ATG4A: variants seen among roughly 807,000 people sequenced by gnomAD.
ATG4A encodes the protein cysteine protease ATG4A.
In ATG4A, 22 loss-of-function variants were observed where a neutral mutation model predicts 38.4. The observed-to-expected ratio is 0.57, with a 90% CI of 0.41 to 0.82. ATG4A has a LOEUF of 0.82. ATG4A is among the 40% of genes least tolerant of loss of function. The pLI is 0.00. For missense variants in ATG4A, 220 were observed against 290.0 expected (o/e 0.76, Z 1.75); for synonymous variants, 86 against 100.7 (o/e 0.85, Z 0.88).
intron 2 of ATG4A, 92 bp from the exon 3 acceptor site, chrX:108,128,689 G>C: frequency 1.8e-6 from 1 of 546,154 alleles, no homozygotes; most frequent in Non-Finnish European, 2.8e-6. Flanking sequence ...GAATTGACTG[G>C]TTATTTGAAA....
At chrX:108,112,917 T>C (rs959671455) in intron 1 of ATG4A, among the ~76,000 whole-genome samples, 29 of 110,557 alleles carry the variant, frequency 2.6e-4, no homozygotes, top group Non-Finnish European at 2.1e-4. Flanking sequence ...TTTTTTTATC[T>C]CTTTTCTTGT....
intron 3 of ATG4A, among the ~76,000 whole-genome samples, chrX:108,129,661 C>T (rs1418786228): frequency 1.9e-5 from 2 of 106,973 alleles, no homozygotes; most frequent in Non-Finnish European, 3.9e-5. Flanking sequence ...AGCTCCGCCT[C>T]CTGGGTTCAC....
rs1333332624 is a variant in ATG4A, at chrX:108,137,161, G to A, written c.538G>A (p.Glu180Lys). Residue 180 changes from glutamate (E) to lysine (K), a missense_variant, in exon 7 of 13, where the codon GAA becomes AAA. Glu to Lys is a moderately conservative substitution (Grantham distance 56). This residue lies in a region of ATG4A where 159 missense variants were observed against 188.9 expected (regional missense o/e 0.84). Coordinates refer to ENST00000372232, the MANE Select transcript of ATG4A (RefSeq NM_052936.5). ...TTCAATGGATAACACAGTGGTCATT[G>A]AAGATATCAGTGAGTTACCAGCCTG... is the stretch of plus-strand genomic sequence containing the variant. ...YVSMDNTVVI[E>K]DIKKMCRVLP... The A allele has an allele frequency of 1.7e-6, 2 of 1,202,368 alleles. No individual in the cohort carries two copies. The highest frequency in any genetic ancestry group is 2.2e-6 in the Non-Finnish European group (2 of 889,721).
At chrX:108,117,987 C>A (rs2032553134) in intron 1 of ATG4A, among the ~76,000 whole-genome samples, 1 of 112,165 alleles carries the variant, frequency 8.9e-6, no homozygotes, top group African/African-American at 3.2e-5. Context: ...AATGTATAGA[C>A]ATATAAAGTG....
chrX:108,133,801 C>G lies in ATG4A; in HGVS notation c.293-256C>G, dbSNP rs2033025852. On this transcript the variant is annotated intron_variant, in intron 4 of 12. Transcript: ENST00000372232. ...TATGTAATATTTATCCAGCTCCAGC[C>G]CTTGGGTTAAGTCAGTTCCTTGGTC... 2.7e-5 allele frequency among the ~76,000 whole-genome samples: 3 copies of G among 111,947 alleles called. No homozygotes were observed. In the South Asian group the frequency reaches 1.1e-3, roughly 41 times the overall value.
chrX:108,113,114 T>A (rs1001952869), intron 1 of ATG4A, among the ~76,000 whole-genome samples: 2 of 111,050 alleles, frequency 1.8e-5, no homozygotes, highest in African/African-American at 6.6e-5. Context: ...TTATCTACAA[T>A]CATGTTCTAG....
At chrX:108,088,983 A>C (rs1046627973), upstream of ATG4A, 19 of 427,482 alleles carry the variant, frequency 4.4e-5, no homozygotes, top group Non-Finnish European at 7.3e-5. Flanking sequence ...AGGTAACCTT[A>C]AACTATATTA....
At chrX:108,151,065 C>G (rs2033576108) in intron 10 of ATG4A, among the ~76,000 whole-genome samples, 1 of 112,048 alleles carries the variant, frequency 8.9e-6, no homozygotes, top group Non-Finnish European at 1.9e-5. Context: ...TTATTGCTAC[C>G]CAGGCACAGG....
intron 1 of ATG4A, among the ~76,000 whole-genome samples, chrX:108,123,483 G>A (rs1029183265): frequency 8.9e-6 from 1 of 112,125 alleles, no homozygotes; most frequent in African/African-American, 3.2e-5. Flanking sequence ...TGTAGGACCT[G>A]TTCCTCTTTC....
chrX:108,126,248 G>T, intron 2 of ATG4A, 61 bp downstream of exon 2: 4 of 849,398 alleles, frequency 4.7e-6, no homozygotes, highest in Non-Finnish European at 6.9e-6. Flanking sequence ...GTGGTTCAGG[G>T]TTTGTACTTT....
intron 1 of ATG4A, among the ~76,000 whole-genome samples, chrX:108,103,407 C>G (rs1040659196): frequency 2.7e-5 from 3 of 112,163 alleles, no homozygotes; most frequent in African/African-American, 6.5e-5. Flanking sequence ...TGATCAAGCT[C>G]TCTGTTCTGT....
rs59447671 is a variant in ATG4A, at chrX:108,148,467, CA to C, written c.815-1669del. ...CATCACACAGAGGGAGACCCTGTCT[CA>C]AAAAAAAAAAAAAAATGATGCAGCT... On this transcript the variant is annotated intron_variant, in intron 9 of 12. Transcript: ENST00000372232. Among the ~76,000 whole-genome samples the C allele has an allele frequency of 2.0e-3, 156 of 78,765 alleles. 1 individual carries two copies. Among genetic ancestry groups the C allele is most frequent in the Admixed American group, 6.2e-3 (40 of 6,402 alleles). The allele number at this position is 78,765 out of a possible 115,157, so 68.4% of individuals were successfully genotyped here. A position where few individuals can be genotyped will look rare whatever the true frequency, so the allele number is the denominator to read the frequency against.
intron 6 of ATG4A, 77 bp downstream of exon 6, chrX:108,134,488 C>T: frequency 5.3e-6 from 5 of 936,281 alleles, no homozygotes; most frequent in Non-Finnish European, 7.5e-6. Flanking sequence ...AACCTCCCAT[C>T]AACCGAGGTA....
rs967535675 is a variant in ATG4A at position 108,153,083 on chromosome X, G to T, written c.1122G>T (p.Gly374=). ...PPAKPEVTTT[G]AEFIDSTEQL... is the part of the protein sequence containing the mutation. ...CCAAGCCAGAAGTGACAACCACTGG[G>T]GCAGGTAAGCTGTTGTTCAATGGCT... The change falls in exon 12 of 13, where the codon GGG becomes GGT. Residue 374 remains glycine, a synonymous_variant. Coordinates refer to ENST00000372232, the MANE Select transcript of ATG4A (RefSeq NM_052936.5). 25 of 1,194,860 alleles carry T rather than the reference G, an allele frequency of 2.1e-5. No homozygotes were observed. The highest frequency in any genetic ancestry group is 2.6e-5 in the Non-Finnish European group (23 of 881,695).
At chrX:108,136,374 T>C (rs1324561590) in intron 6 of ATG4A, among the ~76,000 whole-genome samples, 1 of 110,794 alleles carries the variant, frequency 9.0e-6, no homozygotes, top group Non-Finnish European at 1.9e-5. Flanking sequence ...AAGGGAGAAA[T>C]AGGCAGGGTA....
At chrX:108,143,351 T>C (rs1207827973) in intron 9 of ATG4A, among the ~76,000 whole-genome samples, 9 of 111,394 alleles carry the variant, frequency 8.1e-5, no homozygotes, top group Middle Eastern at 4.2e-3. Context: ...TTTTTCCTGG[T>C]GGAGTGACCC....
intron 1 of ATG4A, among the ~76,000 whole-genome samples, chrX:108,119,763 TC>T (rs1258732916): frequency 8.9e-6 from 1 of 111,906 alleles, no homozygotes; most frequent in East Asian, 2.8e-4. Flanking sequence ...TTCCTCCTTT[TC>T]CCTTTCCTTT....
chrX:108,137,041 T>C (rs1416975110), intron 6 of ATG4A, 50 bp from the exon 7 acceptor site: 1 of 1,064,261 alleles, frequency 9.4e-7, no homozygotes, highest in African/African-American at 1.8e-5. Flanking sequence ...TGTTTTCTGC[T>C]GATATTTCCA....
intron 1 of ATG4A, among the ~76,000 whole-genome samples, 196 bp downstream of exon 1, chrX:108,092,032 C>T (rs1195066724): frequency 2.7e-5 from 3 of 111,139 alleles, no homozygotes; most frequent in Admixed American, 9.5e-5. Flanking sequence ...GTACTACCTA[C>T]TGAGCTCGAA....
Sources: allele counts gnomAD v4.1 joint callset (sites outside exome capture counted in the v4.1 genomes callset), GRCh38; gene constraint gnomAD v4.1.1; regional missense constraint gnomAD v4.1.1; transcripts MANE v1.5; gene names NCBI Gene and HGNC (gene_info 2026-07-23, HGNC 2026-07-21).